ZNF90: variants seen among roughly 807,000 people sequenced by gnomAD.
ZNF90 encodes zinc finger protein 90, also known as zinc finger protein HTF9.
ZNF90 carries 11 observed loss-of-function variants against 12.0 expected under a neutral mutation model. The observed-to-expected ratio is 0.92, with a 90% CI of 0.58 to 1.52. The LOEUF (loss-of-function observed/expected upper bound fraction) is 1.52. ZNF90 is among the 40% of genes most tolerant of loss of function. The pLI, the probability that ZNF90 is intolerant of heterozygous loss-of-function variation, is 0.00. For synonymous variants in ZNF90, 232 were observed against 240.1 expected (o/e 0.97, Z 0.31); for missense variants, 765 against 711.5 (o/e 1.08, Z -0.86).
At chr19:20,106,088 A>G (rs1319561148) in intron 3 of ZNF90, among the ~76,000 whole-genome samples, 1 of 58,292 alleles carries the variant, frequency 1.7e-5, no homozygotes, top group Non-Finnish European at 3.6e-5. Context: ...TTTTACCTCC[A>G]TGGTTAATTT....
At chr19:20,081,515 A>G (rs2088819283) in intron 1 of ZNF90, among the ~76,000 whole-genome samples, 1 of 152,142 alleles carries the variant, frequency 6.6e-6, no homozygotes, top group Non-Finnish European at 1.5e-5. Context: ...GTTTCTTGCC[A>G]AGAACCCACA....
intron 3 of ZNF90, among the ~76,000 whole-genome samples, chr19:20,108,220 A>G (rs1273268760): frequency 6.6e-6 from 1 of 152,228 alleles, no homozygotes; most frequent in Non-Finnish European, 1.5e-5. Flanking sequence ...CTGAAATTTT[A>G]CTGCCACAGA....
At chr19:20,089,084 T>C (rs2088882172) in intron 1 of ZNF90, among the ~76,000 whole-genome samples, 1 of 151,986 alleles carries the variant, frequency 6.6e-6, no homozygotes, top group South Asian at 2.1e-4. Flanking sequence ...AGTAAAAAGA[T>C]GAGAAGGAGT....
At chr19:20,116,211 C>T (rs2089135985) in intron 3 of ZNF90, among the ~76,000 whole-genome samples, 2 of 152,032 alleles carry the variant, frequency 1.3e-5, no homozygotes, top group East Asian at 1.9e-4. Context: ...GCTCTGTTGC[C>T]CAGGCTGCAG....
intron 1 of ZNF90, among the ~76,000 whole-genome samples, chr19:20,089,688 C>A (rs1413463205): frequency 6.6e-6 from 1 of 152,114 alleles, no homozygotes; most frequent in African/African-American, 2.4e-5. Context: ...TGTGAAATGT[C>A]TGGGGAAGTC....
chr19:20,099,455 ATCCTGTCCTGAAGGGAGTTCCTCC>A (rs1368065934), intron 1 of ZNF90, among the ~76,000 whole-genome samples: 3 of 152,072 alleles, frequency 2.0e-5, no homozygotes, highest in African/African-American at 7.2e-5. Flanking sequence ...ACGGTCTATC[ATCCTGTCCTGAAGGGAGTTCCTCC>A]TAGGTCAGCT....
In ZNF90 at chr19:20,103,409, C is replaced by G. The variant is rs145880588; in HGVS notation, c.4-830C>G. 5.8e-3 allele frequency among the ~76,000 whole-genome samples: 882 copies of G among 152,302 alleles called. 3 individuals are homozygous for G. Among genetic ancestry groups the G allele is most frequent in the Non-Finnish European group, 9.5e-3 (648 of 68,010 alleles). On this transcript the variant is annotated intron_variant, in intron 1 of 3. Transcript: ENST00000418063. ...CTGCCTCAGCTTTCTTCCCAACCCT[C>G]AACTTTTTTCTCAACAGGAATATTT...
chr19:20,083,382 T>C (rs1568281810), intron 1 of ZNF90, among the ~76,000 whole-genome samples: 1 of 152,130 alleles, frequency 6.6e-6, no homozygotes, highest in African/African-American at 2.4e-5. Context: ...GGCTGCAGTG[T>C]AATGTTGCGA....
intron 3 of ZNF90, among the ~76,000 whole-genome samples, chr19:20,114,098 C>T (rs797044392): frequency 3.3e-5 from 5 of 152,250 alleles, no homozygotes; most frequent in African/African-American, 1.2e-4. Flanking sequence ...CGTGACCATC[C>T]TGGCCACCAT....
At chr19:20,115,833 C>A (rs782423675) in intron 3 of ZNF90, among the ~76,000 whole-genome samples, 2 of 151,924 alleles carry the variant, frequency 1.3e-5, no homozygotes, top group Non-Finnish European at 2.9e-5. Flanking sequence ...CAGTAGTTGT[C>A]TGTGTTTCCA....
At position 20,085,268 on chromosome 19, in the gene ZNF90, C is replaced by CTTTTTTTTTTTTTTTTTTT. The variant is rs56068843; in HGVS notation, c.3+7143_3+7144insTTTTTTTTTTTTTTTTTTT. ...GGCCTCTCTGTTCTGTTGCATTGGT[C>CTTTTTTTTTTTTTTTTTTT]TTTTTTTTTTAGACGGAGTCTCGCT... On this transcript the variant is annotated intron_variant, in intron 1 of 3. Coordinates refer to ENST00000418063, the MANE Select transcript of ZNF90 (RefSeq NM_007138.2). 5.2e-5 allele frequency among the ~76,000 whole-genome samples: 7 copies of CTTTTTTTTTTTTTTTTTTT among 135,572 alleles called. No individual in the cohort carries two copies. The South Asian group carries it at 1.2e-3, about 23-fold the overall frequency. 88.9% of individuals were successfully genotyped at this position (135,572 alleles called of 152,430 possible).
At chr19:20,106,049 T>C (rs931780492) in intron 3 of ZNF90, among the ~76,000 whole-genome samples, 12 of 130,434 alleles carry the variant, frequency 9.2e-5, no homozygotes, top group Admixed American at 2.9e-4. Flanking sequence ...TTTTTCTTTT[T>C]TTTTTTTTTT....
intron 1 of ZNF90, among the ~76,000 whole-genome samples, chr19:20,086,150 ATTAC>A (rs1204150330): frequency 9.9e-5 from 15 of 151,778 alleles, no homozygotes; most frequent in East Asian, 7.7e-4. Context: ...CTTGCTTTCT[ATTAC>A]TTCATAACAA....
chr19:20,118,694 A>G lies in ZNF90; in HGVS notation c.1140A>G (p.Ser380=). ...KCDKCGKAFI[S]SSLLYKHKIS... ...ATAAATGTGGCAAAGCATTTATTTC[A>G]TCCTCACTCCTTTATAAACATAAGA... The change falls in exon 4 of 4, where the codon TCA becomes TCG. Residue 380 remains serine, a synonymous_variant. Transcript: ENST00000418063. 4 of 1,565,646 alleles carry G rather than the reference A, an allele frequency of 2.6e-6. No individual in the cohort carries two copies. The highest frequency in any genetic ancestry group is 3.5e-6 in the Non-Finnish European group (4 of 1,156,176).
rs1191487225 is a variant in ZNF90, at chr19:20,120,550, CAGAG to C, written c.*1193_*1196del. Among the ~76,000 whole-genome samples, 1 of 151,950 alleles carries C rather than the reference CAGAG, an allele frequency of 6.6e-6. No individual in the cohort carries two copies. The highest frequency in any genetic ancestry group is 1.5e-5 in the Non-Finnish European group (1 of 67,954). The stretch of plus-strand genomic sequence containing the variant: ...TCAAAAACTACAGCTTAGAAAACAC[CAGAG>C]AGTTGATACTAAAATATATGTTTGC... On this transcript the variant is annotated 3_prime_UTR_variant, in exon 4 of 4. Transcript: ENST00000418063.
At chr19:20,084,069 T>TTTTTC (rs1555701806) in intron 1 of ZNF90, among the ~76,000 whole-genome samples, 6,959 of 28,538 alleles carry the variant, frequency 0.24, 365 homozygotes, top group East Asian at 0.53. Flanking sequence ...CCATATTTTC[T>TTTTTC]TTTTTTTTTT....
chr19:20,108,951 C>T (rs1181729223), intron 3 of ZNF90, among the ~76,000 whole-genome samples: 1 of 151,808 alleles, frequency 6.6e-6, no homozygotes, highest in Non-Finnish European at 1.5e-5. Flanking sequence ...TCTCGAGCTC[C>T]TGACCTCGTG....
At chr19:20,103,894 G>A (rs1365868084) in intron 1 of ZNF90, among the ~76,000 whole-genome samples, 1 of 151,724 alleles carries the variant, frequency 6.6e-6, no homozygotes, top group East Asian at 1.9e-4. Context: ...TGCCTTCTAA[G>A]TCACCGTGTC....
intron 3 of ZNF90, among the ~76,000 whole-genome samples, chr19:20,110,738 G>A (rs2089081864): frequency 6.6e-6 from 1 of 152,100 alleles, no homozygotes; most frequent in African/African-American, 2.4e-5. Flanking sequence ...ATGGGTGTGA[G>A]GTGATTTTGT....
Sources: allele counts gnomAD v4.1 joint callset (sites outside exome capture counted in the v4.1 genomes callset), GRCh38; gene constraint gnomAD v4.1.1; transcripts MANE v1.5; gene names NCBI Gene and HGNC (gene_info 2026-07-23, HGNC 2026-07-21).